Variants in SS18 observed in about 807,000 individuals in gnomAD.
SS18 encodes the protein protein SSXT.
SS18 carries 28 observed loss-of-function variants against 72.5 expected under a neutral mutation model. The ratio of observed to expected loss-of-function variants is 0.39; its 90% confidence interval spans 0.29 to 0.53. SS18 has a LOEUF of 0.53. Among genes scored for constraint, SS18 ranks in the 20% least tolerant of loss-of-function variants. The probability of loss-of-function intolerance (pLI) is 0.76; values close to 1 mark genes in which losing one functional copy is unlikely to be tolerated. For missense variants in SS18, 518 were observed against 535.3 expected (o/e 0.97, Z 0.32); for synonymous variants, 172 against 164.2 (o/e 1.05, Z -0.37).
In SS18 at chr18:26,090,562, A is replaced by C; in HGVS notation, c.8T>G (p.Val3Gly). The change falls in exon 1 of 11, where the codon GTG becomes GGG. Residue 3 changes from valine (V) to glycine (G), a missense_variant. Coordinates refer to ENST00000415083, the MANE Select transcript of SS18 (RefSeq NM_001007559.3). MSVAFAAPRQRGK... is the reference protein window; with the variant it reads MSGAFAAPRQRGK... ...TCGCTGCCTCGGGGCCGCGAAAGCCACAGACATGTTGCCGCCGTCACCACT... is the reference window on the plus strand; with the variant it reads ...TCGCTGCCTCGGGGCCGCGAAAGCCCCAGACATGTTGCCGCCGTCACCACT... The C allele has an allele frequency of 1.9e-6, 3 of 1,585,014 alleles. No individual in the cohort carries two copies. Among genetic ancestry groups the C allele is most frequent in the Non-Finnish European group, 2.6e-6 (3 of 1,166,392 alleles).
At chr18:26,050,178 T>C (rs1241970714) in intron 5 of SS18, among the ~76,000 whole-genome samples, 1 of 150,802 alleles carries the variant, frequency 6.6e-6, no homozygotes, top group Non-Finnish European at 1.5e-5. Flanking sequence ...GAAGCAGCAG[T>C]GAGCCGAGAC....
intron 3 of SS18, among the ~76,000 whole-genome samples, chr18:26,063,852 C>A (rs575198442): frequency 1.3e-3 from 202 of 152,102 alleles, no homozygotes; most frequent in Middle Eastern, 3.4e-3. Flanking sequence ...CAAAAGCTGG[C>A]TGTTTGAGAA....
chr18:26,090,943 C>T (rs1016734758), upstream of SS18: 1 of 315,160 alleles, frequency 3.2e-6, no homozygotes. Flanking sequence ...GGGGCAGCCC[C>T]TGTCACAGGA....
At chr18:26,049,882 A>G (rs568723883) in intron 5 of SS18, among the ~76,000 whole-genome samples, 16 of 152,072 alleles carry the variant, frequency 1.1e-4, no homozygotes, top group Non-Finnish European at 2.1e-4. Context: ...TGACAATAAC[A>G]TGGGAAAATA....
intron 10 of SS18, among the ~76,000 whole-genome samples, chr18:26,028,930 A>C (rs1474220988): frequency 6.6e-6 from 1 of 152,212 alleles, no homozygotes; most frequent in Non-Finnish European, 1.5e-5. Context: ...ACTTCAATTA[A>C]GCTGTTCAAA....
At chr18:26,072,134 A>G (rs1339743706) in intron 3 of SS18, among the ~76,000 whole-genome samples, 2 of 152,150 alleles carry the variant, frequency 1.3e-5, no homozygotes, top group African/African-American at 2.4e-5. Flanking sequence ...TTACAACAAC[A>G]ACGAAAAGGT....
intron 3 of SS18, among the ~76,000 whole-genome samples, chr18:26,060,771 C>CAAAAAAAAAAAAAAAAAAAAAAAAAA (rs60999827): frequency 2.5e-5 from 1 of 39,606 alleles, no homozygotes; most frequent in Admixed American, 3.2e-4. Flanking sequence ...CTAAAAATAC[C>CAAAAAAAAAAAAAAAAAAAAAAAAAA]AAAAAAAAAA....
chr18:26,043,327 T>C (rs1286799337), intron 5 of SS18, among the ~76,000 whole-genome samples: 1 of 152,142 alleles, frequency 6.6e-6, no homozygotes, highest in Admixed American at 6.5e-5. Flanking sequence ...TATATCTCTA[T>C]CACTGTAATA....
At chr18:26,034,732 C>T (rs2053599008) in intron 9 of SS18, among the ~76,000 whole-genome samples, 1 of 152,108 alleles carries the variant, frequency 6.6e-6, no homozygotes, top group Non-Finnish European at 1.5e-5. Context: ...CTAGGCATGA[C>T]AAATACATCT....
At chr18:26,068,162 A>C (rs2054252031) in intron 3 of SS18, 1 of 152,192 alleles carries the variant, frequency 6.6e-6, no homozygotes, top group Non-Finnish European at 1.5e-5. Flanking sequence ...CCCTGAAATA[A>C]GACAACATTA....
chr18:26,087,671 C>T, intron 1 of SS18, 94 bp from the exon 2 acceptor site: 1 of 712,958 alleles, frequency 1.4e-6, no homozygotes, highest in Non-Finnish European at 2.5e-6. Context: ...TTAGTAAATA[C>T]TGCTTGTACA....
chr18:26,049,019 G>C (rs1188258480), intron 5 of SS18, among the ~76,000 whole-genome samples: 1 of 152,162 alleles, frequency 6.6e-6, no homozygotes, highest in Non-Finnish European at 1.5e-5. Context: ...CCCACATACA[G>C]TAAGCTACAG....
intron 2 of SS18, chr18:26,080,314 T>G: frequency 2.0e-6 from 2 of 985,140 alleles, no homozygotes; most frequent in Non-Finnish European, 2.4e-6. Context: ...CCTGTTTCAG[T>G]CTAGGCCTTC....
intron 3 of SS18, among the ~76,000 whole-genome samples, chr18:26,058,224 C>T (rs1263200809): frequency 1.3e-5 from 2 of 152,150 alleles, no homozygotes; most frequent in African/African-American, 4.8e-5. Flanking sequence ...ATGAAGACAA[C>T]AGTTCAACAT....
chr18:26,090,940 C>T (rs2054717504), upstream of SS18: 2 of 308,996 alleles, frequency 6.5e-6, no homozygotes, highest in South Asian at 8.5e-5. Context: ...GCTGGGGCAG[C>T]CCCTGTCACA....
rs758514205 is a variant in SS18 at position 26,032,475 on chromosome 18, T to C, written c.1154A>G (p.Gln385Arg). The C allele has an allele frequency of 6.2e-7, 1 of 1,613,968 alleles. No individual in the cohort carries two copies. The highest frequency in any genetic ancestry group is 8.5e-7 in the Non-Finnish European group (1 of 1,179,886). ...TGTTGGTCTATATCCTCCATACTGC[T>C]GACCTTGTCCCTGTGGGTAGTTAGG... Reference protein sequence around the residue: ...QYPNYPQGQGQQYGGYRPTQP... With the variant: ...QYPNYPQGQGRQYGGYRPTQP... The change falls in exon 10 of 11, where the codon CAG becomes CGG. Residue 385 changes from glutamine (Q) to arginine (R), a missense_variant. By Grantham distance (43) the Gln-to-Arg change is conservative (BLOSUM62 1). Transcript: ENST00000415083.
chr18:26,027,195 TTAAAACTA>T lies in SS18; in HGVS notation c.1230+5196_1230+5203del, dbSNP rs1384010551. On this transcript the variant is annotated intron_variant, in intron 10 of 10. Transcript: ENST00000415083. ...ATACTACCTGATTATAAAACTTATT[TTAAAACTA>T]TAAAACTTATAAAACTATACTAATG... Among the ~76,000 whole-genome samples, 4 of 152,308 alleles carry T rather than the reference TTAAAACTA, an allele frequency of 2.6e-5. No homozygotes were observed. In the East Asian group the frequency reaches 5.8e-4, roughly 22 times the overall value.
intron 5 of SS18, among the ~76,000 whole-genome samples, chr18:26,047,652 T>C (rs780991047): frequency 2.0e-5 from 3 of 151,868 alleles, no homozygotes; most frequent in African/African-American, 7.3e-5. Context: ...CCATCCTGGC[T>C]AACACGGTGA....
At position 26,057,592 on chromosome 18, in the gene SS18, G is replaced by T; in HGVS notation, c.382C>A (p.Pro128Thr). Residue 128 changes from proline to threonine, a missense_variant, in exon 4 of 11, where the codon CCT becomes ACT. Coordinates refer to ENST00000415083, the MANE Select transcript of SS18 (RefSeq NM_001007559.3). ...HMQNQMNGQMPGPNHMPMQGP... is the reference protein window; with the variant it reads ...HMQNQMNGQMTGPNHMPMQGP... Reference sequence around the variant, plus strand: ...GTCTTAGAGGAGAAAAACTTACCAGGCATCTGGCCGTTCATCTGGTTCTGC... The same window carrying T: ...GTCTTAGAGGAGAAAAACTTACCAGTCATCTGGCCGTTCATCTGGTTCTGC... The T allele has an allele frequency of 6.2e-7, 1 of 1,614,106 alleles. No homozygotes were observed. Among genetic ancestry groups the T allele is most frequent in the African/African-American group, 1.3e-5 (1 of 75,028 alleles).
Sources: gnomAD v4.1 joint callset for allele counts (sites outside exome capture counted in the v4.1 genomes callset) on GRCh38, gnomAD v4.1.1 for gene constraint, MANE v1.5 for transcripts, NCBI Gene and HGNC (gene_info 2026-07-23, HGNC 2026-07-21) for gene names.